Variants in MLPH observed in about 807,000 individuals in gnomAD.
MLPH encodes the protein exophilin-3.
MLPH carries 51 observed loss-of-function variants against 72.1 expected under a neutral mutation model. That is an observed-to-expected ratio of 0.71 (90% CI 0.56 to 0.89). The LOEUF (loss-of-function observed/expected upper bound fraction) is 0.89, where lower values mean the gene tolerates loss of function less well. Among genes scored for constraint, MLPH ranks in the 40% least tolerant of loss-of-function variants. The pLI, the probability that MLPH is intolerant of heterozygous loss-of-function variation, is 0.00. For synonymous variants in MLPH, 301 were observed against 310.1 expected, an observed-to-expected ratio of 0.97 and a Z score of 0.31; for missense variants, 743 against 759.9, an observed-to-expected ratio of 0.98 and a Z score of 0.26.
rs2079858183 is a variant in MLPH, at chr2:237,510,118, T to C, written c.111-456T>C. On this transcript the variant is annotated intron_variant, in intron 2 of 15. Transcript: ENST00000264605. The surrounding 1 kb of genome is among the most constrained non-coding windows in gnomAD (Gnocchi z 4.4). ...CCTGCTCTGGAAACTCACCGAGCCA[T>C]TTCAGCTGCGCTCTAGAGGAGCAAA... The C allele has an allele frequency of 4.0e-6, 1 of 248,076 alleles. No individual in the cohort carries two copies. The highest frequency in any genetic ancestry group is 5.5e-5 in the South Asian group (1 of 18,262). The allele number at this position is 248,076 out of a possible 1,614,324, so 15.4% of individuals were successfully genotyped here. A position where few individuals can be genotyped will look rare whatever the true frequency, so the allele number is the denominator to read the frequency against.
chr2:237,534,434 T>C (rs2080489078), intron 8 of MLPH, 130 bp from the exon 9 acceptor site: 5 of 777,202 alleles, frequency 6.4e-6, no homozygotes, highest in South Asian at 5.5e-5. Context: ...CCAGGCCATG[T>C]CATGGGTGGT....
chr2:237,530,015 G>A (rs68001503), intron 8 of MLPH, among the ~76,000 whole-genome samples: 16,622 of 152,284 alleles, frequency 0.11, 1,087 homozygotes, highest in South Asian at 0.22. Context: ...GGTTCTCAAG[G>A]GGCAGGCGAG....
At chr2:237,504,766 A>G (rs2079728998) in intron 2 of MLPH, among the ~76,000 whole-genome samples, 1 of 152,154 alleles carries the variant, frequency 6.6e-6, no homozygotes, top group Non-Finnish European at 1.5e-5. Flanking sequence ...CTGAAGACTC[A>G]GCTCTTTCTT....
intron 14 of MLPH, 61 bp from the exon 15 acceptor site, chr2:237,552,276 A>T (rs2081054606): frequency 1.4e-6 from 2 of 1,443,364 alleles, no homozygotes; most frequent in Non-Finnish European, 1.9e-6. Context: ...AGGCCAAGGC[A>T]CTTGTTTGGG....
chr2:237,530,837 G>A (rs753209645), intron 8 of MLPH, among the ~76,000 whole-genome samples: 27 of 152,172 alleles, frequency 1.8e-4, no homozygotes, highest in Non-Finnish European at 3.2e-4. Flanking sequence ...TCTGTGTCCC[G>A]AGAGGACTTG....
At position 237,526,059 on chromosome 2, in the gene MLPH, T is replaced by G. The variant is rs11891426; in HGVS notation, c.880+254T>G. On this transcript the variant is annotated intron_variant, in intron 7 of 15. Coordinates refer to ENST00000264605, the MANE Select transcript of MLPH (RefSeq NM_024101.7). Reference sequence around the variant, plus strand: ...GGTGGCCAGCCCACAGCTCCCTGCTTCCAGCCTGGGGTGGGACATGCAGGC... The same window carrying G: ...GGTGGCCAGCCCACAGCTCCCTGCTGCCAGCCTGGGGTGGGACATGCAGGC... Among the ~76,000 whole-genome samples, 45,044 of 152,072 alleles carry G rather than the reference T, an allele frequency of 0.3. 9,507 individuals carry two copies. The highest frequency in any genetic ancestry group is 0.6 in the African/African-American group (24,977 of 41,450).
intron 1 of MLPH, among the ~76,000 whole-genome samples, chr2:237,489,743 C>T (rs1016789402): frequency 6.6e-6 from 1 of 152,202 alleles, no homozygotes; most frequent in African/African-American, 2.4e-5. Flanking sequence ...CCAAGGCTCC[C>T]CAAGCAGCCA....
intron 6 of MLPH, 148 bp from the exon 7 acceptor site, chr2:237,525,453 G>A (rs759407758): frequency 4.1e-6 from 3 of 727,074 alleles, no homozygotes; most frequent in South Asian, 1.6e-5. Context: ...ACAGAACTGA[G>A]TGGCAGGGGC....
intron 2 of MLPH, among the ~76,000 whole-genome samples, chr2:237,495,745 G>A (rs1286994923): frequency 6.6e-6 from 1 of 152,166 alleles, no homozygotes; most frequent in African/African-American, 2.4e-5. Context: ...ACCGGCCTCG[G>A]GGGAGGGCCC....
intron 4 of MLPH, among the ~76,000 whole-genome samples, chr2:237,513,817 C>T (rs2079958033): frequency 6.6e-6 from 1 of 152,132 alleles, no homozygotes; most frequent in Non-Finnish European, 1.5e-5. Flanking sequence ...GGATGCGTCT[C>T]CTCAAGGCAC....
At position 237,501,663 on chromosome 2, in the gene MLPH, CTAAAAAAAAA is replaced by C. The variant is rs1164057204; in HGVS notation, c.110+8128_110+8137del. ...CTAACATAGTGAAACCACGTCTCTA[CTAAAAAAAAA>C]AAAAAAAAAAAAAAAATACAAAAAA... On this transcript the variant is annotated intron_variant, in intron 2 of 15. Transcript: ENST00000264605. Among the ~76,000 whole-genome samples the C allele has an allele frequency of 5.0e-3, 511 of 101,674 alleles. 4 individuals carry two copies. The highest frequency in any genetic ancestry group is 0.017 in the African/African-American group (491 of 28,886). The allele number at this position is 101,674 out of a possible 152,430, so 66.7% of individuals were successfully genotyped here.
intron 4 of MLPH, among the ~76,000 whole-genome samples, chr2:237,515,738 G>A (rs2080003353): frequency 1.3e-5 from 2 of 152,140 alleles, no homozygotes; most frequent in East Asian, 3.9e-4. Flanking sequence ...CCACCCAGGG[G>A]TGGGACCCAG....
intron 7 of MLPH, among the ~76,000 whole-genome samples, chr2:237,526,764 G>A (rs1439176516): frequency 3.3e-5 from 5 of 152,140 alleles, no homozygotes; most frequent in African/African-American, 7.2e-5. Context: ...CCTCTCAAAC[G>A]GGGAGTGTCT....
In MLPH at chr2:237,519,087, G is replaced by GTTTGTT. The variant is rs570362547; in HGVS notation, c.555+442_555+443insGTTTTT. ...TTCTGGGTTTTGTTTTGTTTTGTTT[G>GTTTGTT]TTTTTTTTTGCCAACCATGAGCCTT... On this transcript the variant is annotated intron_variant, in intron 5 of 15. Transcript: ENST00000264605. Among the ~76,000 whole-genome samples the GTTTGTT allele has an allele frequency of 1.1e-3, 162 of 148,370 alleles. 1 individual carries two copies. Among genetic ancestry groups the GTTTGTT allele is most frequent in the South Asian group, 4.5e-3 (21 of 4,706 alleles).
intron 1 of MLPH, among the ~76,000 whole-genome samples, chr2:237,492,816 A>G (rs1261574710): frequency 6.6e-6 from 1 of 152,200 alleles, no homozygotes; most frequent in Non-Finnish European, 1.5e-5. Flanking sequence ...CGCCCAGAGG[A>G]TGGTGAAACC....
chr2:237,518,865 T>C (rs1011172290), intron 5 of MLPH, among the ~76,000 whole-genome samples: 1 of 152,128 alleles, frequency 6.6e-6, no homozygotes, highest in Non-Finnish European at 1.5e-5. Flanking sequence ...ATCAGAAACC[T>C]CAAAAGCAAT....
In MLPH at chr2:237,555,236, C is replaced by T. The variant is rs1574923644; in HGVS notation, c.*1644C>T. 6.6e-6 allele frequency: 1 copy of T among 152,310 alleles called. No individual in the cohort carries two copies. The highest frequency in any genetic ancestry group is 2.4e-5 in the African/African-American group (1 of 41,550). 9.4% of individuals were successfully genotyped at this position (152,310 alleles called of 1,614,324 possible). ...GGGCTGCAGTGAGCCATGATCGCAT[C>T]ACTATACTCGAGCCTGGGCAACAGA... On this transcript the variant is annotated 3_prime_UTR_variant, in exon 16 of 16. Transcript: ENST00000264605.
intron 7 of MLPH, among the ~76,000 whole-genome samples, chr2:237,526,276 A>C (rs988733871): frequency 1.3e-5 from 2 of 151,932 alleles, no homozygotes; most frequent in African/African-American, 4.8e-5. Flanking sequence ...GAAATCCCCA[A>C]AGCTCTGTCT....
intron 1 of MLPH, among the ~76,000 whole-genome samples, chr2:237,492,994 C>T (rs972700215): frequency 1.3e-5 from 2 of 152,186 alleles, no homozygotes; most frequent in African/African-American, 4.8e-5. Flanking sequence ...CTGTGCTGTT[C>T]CCTCTCCCAA....
Sources: gnomAD v4.1 joint callset for allele counts (sites outside exome capture counted in the v4.1 genomes callset) on GRCh38, gnomAD v4.1.1 for gene constraint, Gnocchi (gnomAD v3.1) non-coding constraint, MANE v1.5 for transcripts, NCBI Gene and HGNC (gene_info 2026-07-23, HGNC 2026-07-21) for gene names.